The following HEATR1 variants were observed in gnomAD, a reference collection of about 807,000 sequenced individuals.
The protein encoded by HEATR1 is HEAT repeat-containing protein 1.
In HEATR1, 77 loss-of-function variants were observed where a neutral mutation model predicts 248.2. That is an observed-to-expected ratio of 0.31 (90% CI 0.26 to 0.37). The LOEUF is 0.37. Ranked by LOEUF, HEATR1 falls within the 10% of genes least tolerant of loss-of-function variation. The probability of loss-of-function intolerance (pLI) is 1.00; values close to 1 mark genes in which losing one functional copy is unlikely to be tolerated. For synonymous variants in HEATR1, 897 were observed against 923.1 expected (o/e 0.97, Z 0.51); for missense variants, 2,420 against 2,504.9 (o/e 0.97, Z 0.72).
rs766753791 is a variant in HEATR1 at position 236,576,842 on chromosome 1, T to A, written c.2863A>T (p.Ile955Leu). Reference protein sequence around the residue: ...LSGVASPFYLIIDHLISKAEE... With the variant: ...LSGVASPFYLLIDHLISKAEE... The stretch of plus-strand genomic sequence containing the variant: ...GCTTTAGAAATCAAATGATCTATTA[T>A]CAGATAAAACGGGGATGCCACTCCA... The change falls in exon 21 of 45, where the codon ATA becomes TTA. Residue 955 changes from isoleucine to leucine, a missense_variant. Transcript: ENST00000366582. 4 of 1,613,944 alleles carry A rather than the reference T, an allele frequency of 2.5e-6. No homozygotes were observed. The African/African-American group carries it at 5.3e-5, about 22-fold the overall frequency.
chr1:236,575,684 T>A (rs544255717), intron 22 of HEATR1, among the ~76,000 whole-genome samples: 1 of 152,246 alleles, frequency 6.6e-6, no homozygotes. Context: ...CACACAGGCA[T>A]TTCTGTAACA....
rs1402132704 is a variant in HEATR1, at chr1:236,586,314, C to G, written c.1854G>C (p.Glu618Asp). Reference sequence around the variant, plus strand: ...TTGATAAATATATAGCAATTTTCATCTCAGCAGATTCCGTATCATCATTAT... The same window carrying G: ...TTGATAAATATATAGCAATTTTCATGTCAGCAGATTCCGTATCATCATTAT... Reference protein sequence around the residue: ...VINNDDTESAEMKIAIYLSKS... With the variant: ...VINNDDTESADMKIAIYLSKS... The change falls in exon 15 of 45, where the codon GAG becomes GAC. Residue 618 changes from glutamate (E) to aspartate (D), a missense_variant. Glu to Asp is a conservative substitution (Grantham distance 45, BLOSUM62 2). Transcript: ENST00000366582. The G allele has an allele frequency of 3.1e-6, 5 of 1,613,456 alleles. No homozygotes were observed. The highest frequency in any genetic ancestry group is 8.5e-7 in the Non-Finnish European group (1 of 1,179,632).
rs753104315 is a variant in HEATR1 at position 236,553,601 on chromosome 1, T to C, written c.6217A>G (p.Thr2073Ala). ...CTAACCTTAGGCGAGGAGTCTCTCG[T>C]CTTTAGCAGAATCTGGTAGTTCAGT... ...KPLNYQILLK[T>A]RDSSPKVRFA... The change falls in exon 43 of 45, where the codon ACG becomes GCG. Residue 2073 changes from threonine to alanine, a missense_variant. Physicochemically the swap from Thr to Ala is moderately conservative, Grantham distance 58. Transcript: ENST00000366582. 1 of 1,613,790 alleles carries C rather than the reference T, an allele frequency of 6.2e-7. No homozygotes were observed. Among genetic ancestry groups the C allele is most frequent in the South Asian group, 1.1e-5 (1 of 90,996 alleles).
At chr1:236,567,005 G>C in intron 29 of HEATR1, 129 bp from the exon 30 acceptor site, 1 of 644,510 alleles carries the variant, frequency 1.6e-6, no homozygotes. Flanking sequence ...TATTTTTTTA[G>C]AGACAGGGTC....
chr1:236,551,128 G>A, intron 44 of HEATR1, 138 bp from the exon 45 acceptor site: 1 of 677,360 alleles, frequency 1.5e-6, no homozygotes, highest in South Asian at 2.1e-5. Context: ...CATTAACAAA[G>A]CAGGAGGCGC....
intron 20 of HEATR1, among the ~76,000 whole-genome samples, chr1:236,580,824 A>ATTT (rs71178327): frequency 0.56 from 71,251 of 126,342 alleles, 22,009 homozygotes; most frequent in Non-Finnish European, 0.67. Context: ...GCCTTTATCG[A>ATTT]TTTTTTTTTT....
rs184142607 is a variant in HEATR1 at position 236,577,642 on chromosome 1, C to A, written c.2756-693G>T. 4.8e-3 allele frequency among the ~76,000 whole-genome samples: 727 copies of A among 152,106 alleles called. 2 individuals are homozygous for A. Among genetic ancestry groups the A allele is most frequent in the African/African-American group, 0.017 (687 of 41,486 alleles). ...TAGCTGGGATTACAGGCACGCGCCA[C>A]CACATCCGGCTAATTTTGTATTTTT... is the stretch of plus-strand genomic sequence containing the variant. On this transcript the variant is annotated intron_variant, in intron 20 of 44. Transcript: ENST00000366582.
At position 236,576,951 on chromosome 1, in the gene HEATR1, T is replaced by G; in HGVS notation, c.2756-2A>C. 1 of 1,559,820 alleles carries G rather than the reference T, an allele frequency of 6.4e-7. No homozygotes were observed. The highest frequency in any genetic ancestry group is 8.6e-7 in the Non-Finnish European group (1 of 1,157,260). On this transcript the variant is annotated splice_acceptor_variant, in intron 20 of 44. Coordinates refer to ENST00000366582, the MANE Select transcript of HEATR1 (RefSeq NM_018072.6). LOFTEE classifies it high-confidence loss of function. Reference sequence around the variant, plus strand: ...GGTTAATGAGTAAAGATGTCACCACTAAAATCAAAGGAAAAAAAAATTTAA... The same window carrying G: ...GGTTAATGAGTAAAGATGTCACCACGAAAATCAAAGGAAAAAAAAATTTAA...
At chr1:236,587,360 C>T (rs754002729) in intron 14 of HEATR1, 42 bp downstream of exon 14, 3 of 935,424 alleles carry the variant, frequency 3.2e-6, no homozygotes, top group South Asian at 4.8e-5. Flanking sequence ...GATATAAGAA[C>T]TTCATCAATT....
Position 236,555,536 on chromosome 1 carries a change from G to C in HEATR1, c.5754+15C>G. On this transcript the variant is annotated intron_variant, in intron 40 of 44. Transcript: ENST00000366582. ...AATCTGAGCACAAAAGAGAGGAAGAGGAAGAAAGCGTCACCTTGAAGAACA... is the reference window on the plus strand; with the variant it reads ...AATCTGAGCACAAAAGAGAGGAAGACGAAGAAAGCGTCACCTTGAAGAACA... The C allele has an allele frequency of 6.2e-7, 1 of 1,614,080 alleles. No individual in the cohort carries two copies. Among genetic ancestry groups the C allele is most frequent in the Non-Finnish European group, 8.5e-7 (1 of 1,179,906 alleles).
intron 41 of HEATR1, 25 bp from the exon 42 acceptor site, chr1:236,554,777 T>C (rs1460027868): frequency 5.1e-6 from 8 of 1,581,104 alleles, no homozygotes; most frequent in Non-Finnish European, 6.9e-6. Flanking sequence ...AGAGTAAAAA[T>C]GAAAAAACAC....
In HEATR1 at chr1:236,564,619, T is replaced by C; in HGVS notation, c.4478A>G (p.Gln1493Arg). Residue 1493 changes from glutamine to arginine, a missense_variant, in exon 32 of 45, where the codon CAA becomes CGA. Coordinates refer to ENST00000366582, the MANE Select transcript of HEATR1 (RefSeq NM_018072.6). The part of the protein sequence containing the change: ...KAVSFNKSES[Q>R]EEMLQVFNVE... ...ATTAAAAACCTGTAGCATTTCTTCT[T>C]GTGATTCACTCTTATTAAATGACAC... 6.2e-7 allele frequency: 1 copy of C among 1,613,654 alleles called. No homozygotes were observed. The highest frequency in any genetic ancestry group is 1.7e-4 in the Middle Eastern group (1 of 5,862).
In HEATR1 at chr1:236,596,899, C is replaced by A; in HGVS notation, c.681G>T (p.Ala227=). The A allele has an allele frequency of 6.2e-7, 1 of 1,614,064 alleles. No homozygotes were observed. The highest frequency in any genetic ancestry group is 8.5e-7 in the Non-Finnish European group (1 of 1,179,966). Residue 227 remains alanine (A), a synonymous_variant, in exon 6 of 45, where the codon GCG becomes GCT. Transcript: ENST00000366582. ...CTGATACGTCCTCTGCAGCTACCAG[C>A]GCCGACACTATGGTAGAAGCATAGA... ...LAFYASTIVS[A]LVAAEDVSDN...
rs67239913 is a variant in HEATR1 at position 236,592,637 on chromosome 1, TA to T, written c.1194-5del. 0.57 allele frequency: 486,966 copies of T among 857,950 alleles called. 114,853 individuals are homozygous for T. Among genetic ancestry groups the T allele is most frequent in the East Asian group, 0.6 (20,156 of 33,464 alleles). The allele number at this position is 857,950 out of a possible 1,614,324, so 53.1% of individuals were successfully genotyped here. A position where few individuals can be genotyped will look rare whatever the true frequency, so the allele number is the denominator to read the frequency against. ...AATATACTCTTCAAATAGAAGGCTGTAAAAAAAAAAACAGAAATATCAGCAT... is the reference window on the plus strand; with the variant it reads ...AATATACTCTTCAAATAGAAGGCTGTAAAAAAAAAACAGAAATATCAGCAT... On this transcript the variant is annotated splice_region_variant and splice_polypyrimidine_tract_variant and intron_variant, in intron 9 of 44. Coordinates refer to ENST00000366582, the MANE Select transcript of HEATR1 (RefSeq NM_018072.6).
intron 20 of HEATR1, among the ~76,000 whole-genome samples, chr1:236,578,180 A>C (rs1351440778): frequency 6.6e-6 from 1 of 152,158 alleles, no homozygotes; most frequent in Non-Finnish European, 1.5e-5. Flanking sequence ...GTTTATGTTA[A>C]ATCTTTAGTT....
chr1:236,591,880 T>C (rs774792440), intron 11 of HEATR1, 113 bp downstream of exon 11: 9 of 610,304 alleles, frequency 1.5e-5, no homozygotes, highest in Non-Finnish European at 2.4e-5. Context: ...GAAGGTTATC[T>C]CTGTAAAATT....
intron 20 of HEATR1, among the ~76,000 whole-genome samples, chr1:236,577,655 A>G (rs1298362906): frequency 6.7e-6 from 1 of 150,206 alleles, no homozygotes; most frequent in Non-Finnish European, 1.5e-5. Flanking sequence ...CATCCGGCTA[A>G]TTTTGTATTT....
At chr1:236,576,573 T>C (rs1010234124) in intron 21 of HEATR1, among the ~76,000 whole-genome samples, 196 bp from the exon 22 acceptor site, 4 of 152,322 alleles carry the variant, frequency 2.6e-5, no homozygotes, top group African/African-American at 9.6e-5. Context: ...TAAACCTTTA[T>C]CCAATGAAAA....
chr1:236,567,146 C>G (rs1302159089), intron 29 of HEATR1, among the ~76,000 whole-genome samples: 1 of 152,042 alleles, frequency 6.6e-6, no homozygotes, highest in Non-Finnish European at 1.5e-5. Context: ...CCCACCACCA[C>G]TTTTTAAAAA....
Sources: allele counts gnomAD v4.1 joint callset (sites outside exome capture counted in the v4.1 genomes callset), GRCh38; gene constraint gnomAD v4.1.1; transcripts MANE v1.5; gene names NCBI Gene and HGNC (gene_info 2026-07-23, HGNC 2026-07-21).